Variants in COIL observed in about 807,000 individuals in gnomAD.
The protein encoded by COIL is coilin, also known as coilin p80.
Under a neutral mutation model 51.6 loss-of-function variants are expected in COIL, and 28 were observed. The observed-to-expected ratio is 0.54, with a 90% CI of 0.40 to 0.74. The LOEUF (loss-of-function observed/expected upper bound fraction) is 0.74. Among genes scored for constraint, COIL ranks in the 30% least tolerant of loss-of-function variants. The probability of loss-of-function intolerance (pLI) is 0.00; values close to 1 mark genes in which losing one functional copy is unlikely to be tolerated. For synonymous variants in COIL, 233 were observed against 255.8 expected, an observed-to-expected ratio of 0.91 and a Z score of 0.85; for missense variants, 667 against 685.9, an observed-to-expected ratio of 0.97 and a Z score of 0.31.
chr17:56,946,556 T>C (rs772189498), intron 4 of COIL, 45 bp from the exon 5 acceptor site: 4 of 1,263,478 alleles, frequency 3.2e-6, no homozygotes, highest in East Asian at 2.3e-5. Flanking sequence ...TGTAAAACAC[T>C]GTGAATATAC....
At chr17:56,956,497 C>T (rs1407672645) in intron 1 of COIL, among the ~76,000 whole-genome samples, 1 of 152,124 alleles carries the variant, frequency 6.6e-6, no homozygotes, top group Non-Finnish European at 1.5e-5. Context: ...CTCAAGTGAT[C>T]CTCCCACCTC....
chr17:56,949,815 T>A, intron 2 of COIL, 48 bp from the exon 3 acceptor site: 1 of 1,612,012 alleles, frequency 6.2e-7, no homozygotes, highest in African/African-American at 1.3e-5. Flanking sequence ...TGAGAAAATG[T>A]GAATCCATGA....
intron 4 of COIL, 46 bp from the exon 5 acceptor site, chr17:56,946,557 G>A (rs1366654137): frequency 4.8e-6 from 6 of 1,239,622 alleles, no homozygotes; most frequent in Non-Finnish European, 7.0e-6. Context: ...GTAAAACACT[G>A]TGAATATACT....
In COIL at chr17:56,950,334, G is replaced by T. The variant is rs948311851; in HGVS notation, c.908C>A (p.Thr303Asn). The change falls in exon 2 of 7, where the codon ACC becomes AAC. Residue 303 changes from threonine to asparagine, a missense_variant. Transcript: ENST00000240316. ...KLAIKLGFSL[T>N]PSKGKTSGTT... ...TCCAGAGGTCTTGCCCTTGCTGGGG[G>T]TAAGGCTAAAGCCAAGTTTTATAGC... 2.5e-6 allele frequency: 4 copies of T among 1,614,104 alleles called. No homozygotes were observed. Among genetic ancestry groups the T allele is most frequent in the African/African-American group, 2.7e-5 (2 of 74,940 alleles).
At chr17:56,943,536 G>T (rs1158860687) in intron 5 of COIL, among the ~76,000 whole-genome samples, 1 of 152,166 alleles carries the variant, frequency 6.6e-6, no homozygotes, top group African/African-American at 2.4e-5. Context: ...TGTCATGCAG[G>T]TTTATAAGTG....
chr17:56,942,208 A>G, intron 5 of COIL, 85 bp from the exon 6 acceptor site: 2 of 1,082,998 alleles, frequency 1.8e-6, no homozygotes, highest in East Asian at 4.8e-5. Context: ...TATATCATTA[A>G]GAAAACAACC....
chr17:56,949,837 C>A, intron 2 of COIL, 52 bp downstream of exon 2: 1 of 1,611,376 alleles, frequency 6.2e-7, no homozygotes, highest in South Asian at 1.1e-5. Flanking sequence ...ATGAACTCCA[C>A]ACACATTCTA....
chr17:56,942,899 T>C (rs868246031), intron 5 of COIL, among the ~76,000 whole-genome samples: 2 of 152,174 alleles, frequency 1.3e-5, no homozygotes, highest in Non-Finnish European at 2.9e-5. Flanking sequence ...TAATAATCAA[T>C]AGGAAAAATT....
At chr17:56,939,289 C>A (rs761985189) in intron 6 of COIL, 135 bp from the exon 7 acceptor site, 11 of 623,372 alleles carry the variant, frequency 1.8e-5, no homozygotes, top group Non-Finnish European at 2.9e-5. Context: ...AAACTGAGTT[C>A]AATTGCAGTA....
chr17:56,957,295 C>T (rs1315687344), intron 1 of COIL, among the ~76,000 whole-genome samples: 6 of 149,752 alleles, frequency 4.0e-5, no homozygotes, highest in Non-Finnish European at 7.4e-5. Flanking sequence ...GAGGGCTGCA[C>T]GATTAAAAAA....
rs567520515 is a variant in COIL at position 56,944,485 on chromosome 17, G to A, written c.1558+1957C>T. Among the ~76,000 whole-genome samples, 14 of 151,816 alleles carry A rather than the reference G, an allele frequency of 9.2e-5. No homozygotes were observed. The East Asian group carries it at 1.6e-3, about 17-fold the overall frequency. Reference sequence around the variant, plus strand: ...CGGGTGCCTGTAGTCCCAGCTGCTCGGGAGGCTGAGGCAGGAGAATGGCGT... The same window carrying A: ...CGGGTGCCTGTAGTCCCAGCTGCTCAGGAGGCTGAGGCAGGAGAATGGCGT... On this transcript the variant is annotated intron_variant, in intron 5 of 6. Transcript: ENST00000240316.
Position 56,942,072 on chromosome 17 carries a change from G to A in COIL, c.1610C>T (p.Ala537Val). 1 of 1,614,104 alleles carries A rather than the reference G, an allele frequency of 6.2e-7. No homozygotes were observed. The highest frequency in any genetic ancestry group is 1.1e-5 in the South Asian group (1 of 91,084). ...FDLVYHNENG[A>V]EVVEYAVTQE... ...TGTCACAGCGTACTCCACTACCTCG[G>A]CTCCATTTTCATTGTGATAAACTAA... Residue 537 changes from alanine to valine, a missense_variant, in exon 6 of 7, where the codon GCC (alanine) becomes GTC (valine). Ala to Val is a moderately conservative substitution (Grantham distance 64, BLOSUM62 0). Coordinates refer to ENST00000240316, the MANE Select transcript of COIL (RefSeq NM_004645.3).
rs1234252498 is a variant in COIL, at chr17:56,957,274, ACTGTAATT to A, written c.245+3493_245+3500del. 4.0e-5 allele frequency among the ~76,000 whole-genome samples: 6 copies of A among 151,324 alleles called. No homozygotes were observed. The East Asian group carries it at 1.2e-3, about 30-fold the overall frequency. On this transcript the variant is annotated intron_variant, in intron 1 of 6. Coordinates refer to ENST00000240316, the MANE Select transcript of COIL (RefSeq NM_004645.3). ...AAAATAAGGGAGTCTCTCTGAATCT[ACTGTAATT>A]CTGAGGGCTGCACGATTAAAAAAAA...
rs1910320445 is a variant in COIL at position 56,949,784 on chromosome 17, G to C, written c.1354-17C>G. The C allele has an allele frequency of 6.2e-7, 1 of 1,612,190 alleles. No homozygotes were observed. Among genetic ancestry groups the C allele is most frequent in the South Asian group, 1.1e-5 (1 of 91,048 alleles). ...TACTGGATTCTGAAAAACAGTGTTAGTCATGTGACATCATCACTGGTGAGA... is the reference window on the plus strand; with the variant it reads ...TACTGGATTCTGAAAAACAGTGTTACTCATGTGACATCATCACTGGTGAGA... On this transcript the variant is annotated splice_polypyrimidine_tract_variant and intron_variant, in intron 2 of 6. Coordinates refer to ENST00000240316, the MANE Select transcript of COIL (RefSeq NM_004645.3).
At chr17:56,960,714 G>A (rs1440369001) in intron 1 of COIL, 61 bp downstream of exon 1, 15 of 1,292,598 alleles carry the variant, frequency 1.2e-5, no homozygotes, top group African/African-American at 1.6e-5. Context: ...AGGCCCGGGC[G>A]TGCGCAGGCG....
At chr17:56,957,268 GA>G (rs964483497) in intron 1 of COIL, among the ~76,000 whole-genome samples, 1 of 149,050 alleles carries the variant, frequency 6.7e-6, no homozygotes, top group Admixed American at 6.7e-5. Context: ...GAGTCTCTCT[GA>G]ATCTACTGTA....
rs747467964 is a variant in COIL at position 56,950,753 on chromosome 17, CTT to C, written c.487_488del (p.Lys163GlufsTer4). The C allele has an allele frequency of 8.7e-6, 14 of 1,613,656 alleles. No homozygotes were observed. Among genetic ancestry groups the C allele is most frequent in the South Asian group, 7.7e-5 (7 of 91,062 alleles). On this transcript the variant is annotated frameshift_variant, in exon 2 of 7. Transcript: ENST00000240316. LOFTEE classifies it high-confidence loss of function. The part of the protein sequence containing the change: ...VTDQTVSKKN[K>X]RKNKATCGTV... ...TGCCACAGGTTGCTTTATTTTTTCT[CTT>C]GTTTTTTTTGCTGACAGTCTGATCT...
Position 56,960,760 on chromosome 17 carries a change from C to A in COIL, c.245+15G>T, listed in dbSNP as rs539058532. Reference sequence around the variant, plus strand: ...CCGCCGCCCACCCGGCCGTCCCGCTCCCTGCGCCGCGCACCTGAGGCAGTC... The same window carrying A: ...CCGCCGCCCACCCGGCCGTCCCGCTACCTGCGCCGCGCACCTGAGGCAGTC... On this transcript the variant is annotated intron_variant, in intron 1 of 6. Coordinates refer to ENST00000240316, the MANE Select transcript of COIL (RefSeq NM_004645.3). 9 of 1,539,932 alleles carry A rather than the reference C, an allele frequency of 5.8e-6. No homozygotes were observed. Among genetic ancestry groups the A allele is most frequent in the Non-Finnish European group, 7.9e-6 (9 of 1,144,204 alleles).
chr17:56,942,294 G>A (rs564686379), intron 5 of COIL, among the ~76,000 whole-genome samples, 171 bp from the exon 6 acceptor site: 1 of 152,342 alleles, frequency 6.6e-6, no homozygotes, highest in East Asian at 1.9e-4. Flanking sequence ...GGGGGATCCT[G>A]AGAAAAACTC....
Sources: gnomAD v4.1 joint callset for allele counts (sites outside exome capture counted in the v4.1 genomes callset) on GRCh38, gnomAD v4.1.1 for gene constraint, MANE v1.5 for transcripts, NCBI Gene and HGNC (gene_info 2026-07-23, HGNC 2026-07-21) for gene names.